The following HYDIN variants were observed in gnomAD, a reference collection of about 807,000 sequenced individuals.
The protein encoded by HYDIN is HYDIN axonemal central pair apparatus protein, also known as axonemal central pair apparatus protein HYDIN.
HYDIN carries 132 observed loss-of-function variants against 403.9 expected under a neutral mutation model. The observed-to-expected ratio is 0.33, with a 90% CI of 0.28 to 0.38. The LOEUF is 0.38. HYDIN is among the 10% of genes least tolerant of loss of function. The pLI is 1.00. For synonymous variants in HYDIN, 1,202 were observed against 1,891.7 expected, an observed-to-expected ratio of 0.64 and a Z score of 9.46; for missense variants, 2,827 against 5,009.5, an observed-to-expected ratio of 0.56 and a Z score of 13.15.
intron 3 of HYDIN, among the ~76,000 whole-genome samples, 174 bp from the exon 4 acceptor site, chr16:71,179,221 A>T (rs755617628): frequency 2.6e-5 from 4 of 152,204 alleles, no homozygotes; most frequent in Non-Finnish European, 5.9e-5. Flanking sequence ...AGGACAAAAG[A>T]ATGTGTAAAA....
intron 1 of HYDIN, among the ~76,000 whole-genome samples, chr16:71,212,903 T>C (rs1031988726): frequency 5.3e-5 from 8 of 151,234 alleles, no homozygotes; most frequent in Non-Finnish European, 1.2e-4. Flanking sequence ...CTAGTGAGGG[T>C]GAAGAAAACC....
intron 62 of HYDIN, among the ~76,000 whole-genome samples, chr16:70,875,759 T>C (rs2040407820): frequency 6.6e-6 from 1 of 152,080 alleles, no homozygotes; most frequent in African/African-American, 2.4e-5. Flanking sequence ...CAAGCAGAAA[T>C]CCTACCAGAT....
In HYDIN at chr16:70,804,643, T is replaced by C. The variant is rs533355036; in HGVS notation, c.*2937A>G. ...AAACGGAAAACTTAACGTTTCCTAA[T>C]GTTCAAGTTGTTATCTCCAGAGCAT... On this transcript the variant is annotated 3_prime_UTR_variant, in exon 86 of 86. Transcript: ENST00000393567. 1.3e-5 allele frequency among the ~76,000 whole-genome samples: 2 copies of C among 152,356 alleles called. No homozygotes were observed. Among genetic ancestry groups the C allele is most frequent in the South Asian group, 4.1e-4 (2 of 4,822 alleles).
chr16:70,868,615 C>T lies in HYDIN; in HGVS notation c.11265G>A (p.Val3755=). The change falls in exon 66 of 86, where the codon GTG becomes GTA. Residue 3755 remains valine (V), a synonymous_variant. Coordinates refer to ENST00000393567, the MANE Select transcript of HYDIN (RefSeq NM_001270974.2). The stretch of plus-strand genomic sequence containing the variant: ...TCCCAGGCATGTTTCTGGGTACGTC[C>T]ACCCACTTGACTGTGTGCATGCGGT... ...WDDRMHTVKW[V]DVPRNMPGTF... 1 of 1,613,702 alleles carries T rather than the reference C, an allele frequency of 6.2e-7. No homozygotes were observed. The highest frequency in any genetic ancestry group is 1.1e-5 in the South Asian group (1 of 91,042).
intron 28 of HYDIN, among the ~76,000 whole-genome samples, chr16:70,984,501 G>A (rs1304911562): frequency 1.1e-4 from 17 of 148,268 alleles, no homozygotes; most frequent in African/African-American, 4.0e-4. Flanking sequence ...AGCCATAGCA[G>A]CTAAAATAGT....
chr16:70,826,638 G>C (rs1395818977), intron 83 of HYDIN, among the ~76,000 whole-genome samples: 4 of 149,548 alleles, frequency 2.7e-5, no homozygotes, highest in Non-Finnish European at 5.9e-5. Context: ...GATGAGATGT[G>C]ATTGGAGCAT....
chr16:70,980,743 T>A (rs1006477528), intron 29 of HYDIN, among the ~76,000 whole-genome samples: 2 of 151,128 alleles, frequency 1.3e-5, no homozygotes, highest in African/African-American at 2.4e-5. Flanking sequence ...GAGTGAGAGG[T>A]TTCCCTGATC....
chr16:70,820,395 G>A (rs1398539696), intron 83 of HYDIN, among the ~76,000 whole-genome samples: 1 of 150,896 alleles, frequency 6.6e-6, no homozygotes, highest in Non-Finnish European at 1.5e-5. Context: ...GTTTCACCAT[G>A]GTCTCGATCT....
Position 70,830,078 on chromosome 16 carries a change from G to C in HYDIN, c.13900-248C>G, listed in dbSNP as rs140101408. Reference sequence around the variant, plus strand: ...AAATAACAAAAATCTCTGCCCTTGAGCTGAGATTCTACTAGAGGGAGACAG... The same window carrying C: ...AAATAACAAAAATCTCTGCCCTTGACCTGAGATTCTACTAGAGGGAGACAG... On this transcript the variant is annotated intron_variant, in intron 80 of 85. Coordinates refer to ENST00000393567, the MANE Select transcript of HYDIN (RefSeq NM_001270974.2). Among the ~76,000 whole-genome samples the C allele has an allele frequency of 9.3e-3, 1,420 of 152,274 alleles. 12 individuals carry two copies. Among genetic ancestry groups the C allele is most frequent in the Middle Eastern group, 0.085 (25 of 294 alleles).
At position 70,860,010 on chromosome 16, in the gene HYDIN, C is replaced by T. The variant is rs1597146128; in HGVS notation, c.12129+58G>A. Reference sequence around the variant, plus strand: ...CTTACTGTCTATGGCACACTTTCCACACAGCAATGGCTAGAGTGATCTAAG... The same window carrying T: ...CTTACTGTCTATGGCACACTTTCCATACAGCAATGGCTAGAGTGATCTAAG... On this transcript the variant is annotated intron_variant, in intron 71 of 85. Transcript: ENST00000393567. 8 of 1,533,038 alleles carry T rather than the reference C, an allele frequency of 5.2e-6. No individual in the cohort carries two copies. The East Asian group carries it at 1.3e-4, about 26-fold the overall frequency. 95.0% of individuals were successfully genotyped at this position (1,533,038 alleles called of 1,614,324 possible).
In HYDIN at chr16:70,882,887, T is replaced by C; in HGVS notation, c.9988A>G (p.Thr3330Ala). 1 of 1,583,704 alleles carries C rather than the reference T, an allele frequency of 6.3e-7. No individual in the cohort carries two copies. The highest frequency in any genetic ancestry group is 1.1e-5 in the South Asian group (1 of 90,318). The change falls in exon 60 of 86, where the codon ACC (threonine) becomes GCC (alanine). Residue 3330 changes from threonine to alanine, a missense_variant. By Grantham distance (58) the Thr-to-Ala change is moderately conservative. Coordinates refer to ENST00000393567, the MANE Select transcript of HYDIN (RefSeq NM_001270974.2). ...TCAAATATCAAGGCATTGTTTTCGG[T>C]CACGAAGGCTGGGGAGTGAAGGGGA... ...LAEACLPAFV[T>A]ENNALIFEEH...
chr16:70,857,606 G>C (rs1251833170), intron 72 of HYDIN, 99 bp downstream of exon 72: 3 of 1,249,008 alleles, frequency 2.4e-6, no homozygotes, highest in African/African-American at 1.5e-5. Flanking sequence ...TTCTGGAAGG[G>C]ACCAGGAGAG....
chr16:70,950,761 C>A (rs1339092592), intron 41 of HYDIN, among the ~76,000 whole-genome samples: 1 of 152,160 alleles, frequency 6.6e-6, no homozygotes, highest in Non-Finnish European at 1.5e-5. Flanking sequence ...CACCCTTAAC[C>A]CTTCCTGTTT....
chr16:70,849,274 C>T (rs556400639), intron 75 of HYDIN, among the ~76,000 whole-genome samples: 10 of 152,014 alleles, frequency 6.6e-5, no homozygotes, highest in Non-Finnish European at 8.8e-5. Flanking sequence ...ATAAATACTC[C>T]GAGAATTGTT....
intron 43 of HYDIN, among the ~76,000 whole-genome samples, chr16:70,939,078 C>G (rs1015269496): frequency 1.3e-5 from 2 of 152,000 alleles, no homozygotes; most frequent in Admixed American, 1.3e-4. Context: ...TTTTGGGGGG[C>G]CCAGTCTAAT....
At chr16:70,884,542 TAAAC>T (rs1270894693) in intron 58 of HYDIN, among the ~76,000 whole-genome samples, 2 of 152,022 alleles carry the variant, frequency 1.3e-5, no homozygotes, top group African/African-American at 4.8e-5. Flanking sequence ...TGTTTGACCT[TAAAC>T]AAATGACTTC....
At position 70,920,591 on chromosome 16, in the gene HYDIN, C is replaced by T. The variant is rs769252277; in HGVS notation, c.7785G>A (p.Gln2595=). Residue 2595 remains glutamine (Q), a splice_region_variant and synonymous_variant, in exon 46 of 86, where the codon CAG becomes CAA. Transcript: ENST00000393567. ...CCCCACCCTGGAGGAGAGTCCATACCTGCTCTCCTTTGGGAAGCTTGTCGC... is the reference window on the plus strand; with the variant it reads ...CCCCACCCTGGAGGAGAGTCCATACTTGCTCTCCTTTGGGAAGCTTGTCGC... ...LESDKLPKGE[Q]ILDILGLGAS... The T allele has an allele frequency of 3.1e-6, 5 of 1,608,460 alleles. No homozygotes were observed. Among genetic ancestry groups the T allele is most frequent in the Admixed American group, 1.7e-5 (1 of 59,808 alleles).
rs1329050984 is a variant in HYDIN, at chr16:70,829,992, C to T, written c.13900-162G>A. 3.9e-5 allele frequency among the ~76,000 whole-genome samples: 6 copies of T among 151,910 alleles called. No homozygotes were observed. The East Asian group carries it at 1.2e-3, about 29-fold the overall frequency. ...TTTTCTTTCATTCACTCAACACATA[C>T]TTACGGGTACCTTCTATGTGCTAGG... On this transcript the variant is annotated intron_variant, in intron 80 of 85. Coordinates refer to ENST00000393567, the MANE Select transcript of HYDIN (RefSeq NM_001270974.2).
intron 9 of HYDIN, among the ~76,000 whole-genome samples, chr16:71,126,454 G>A (rs1382627907): frequency 1.3e-5 from 2 of 152,148 alleles, no homozygotes; most frequent in Non-Finnish European, 2.9e-5. Flanking sequence ...GAAAGGTCAG[G>A]AAGGAATCAT....
Sources: gnomAD v4.1 joint callset for allele counts (sites outside exome capture counted in the v4.1 genomes callset) on GRCh38, gnomAD v4.1.1 for gene constraint, MANE v1.5 for transcripts, NCBI Gene and HGNC (gene_info 2026-07-23, HGNC 2026-07-21) for gene names.